Variants in DGKG observed in about 807,000 individuals in gnomAD.
The protein encoded by DGKG is diacylglycerol kinase gamma.
A neutral mutation model predicts 105.3 loss-of-function variants in DGKG; 78 were observed. The observed-to-expected ratio is 0.74, with a 90% CI of 0.62 to 0.89. The LOEUF (loss-of-function observed/expected upper bound fraction) is 0.89, where lower values mean the gene tolerates loss of function less well. DGKG is among the 40% of genes least tolerant of loss of function. The probability of loss-of-function intolerance (pLI) is 0.00; values close to 1 mark genes in which losing one functional copy is unlikely to be tolerated. For missense variants in DGKG, 958 were observed against 1,020.1 expected, an observed-to-expected ratio of 0.94 and a Z score of 0.83; for synonymous variants, 346 against 367.1, an observed-to-expected ratio of 0.94 and a Z score of 0.66.
chr3:186,167,769 TCAC>T (rs1716617241), intron 22 of DGKG, among the ~76,000 whole-genome samples: 1 of 103,702 alleles, frequency 9.6e-6, no homozygotes, highest in Non-Finnish European at 2.1e-5. Flanking sequence ...ATTCACTCAC[TCAC>T]TCACTCACTC....
chr3:186,273,872 G>A (rs1722450123), intron 10 of DGKG, among the ~76,000 whole-genome samples: 2 of 152,224 alleles, frequency 1.3e-5, no homozygotes, highest in Non-Finnish European at 2.9e-5. Context: ...CAGGCTGAGT[G>A]TTGCTGTCCA....
intron 21 of DGKG, among the ~76,000 whole-genome samples, chr3:186,205,435 C>A (rs573667041): frequency 6.6e-6 from 1 of 151,194 alleles, no homozygotes; most frequent in Non-Finnish European, 1.5e-5. Flanking sequence ...AGGCGCCAGG[C>A]GCGGTGGCTC....
At chr3:186,250,391 G>A (rs568842315) in intron 19 of DGKG, among the ~76,000 whole-genome samples, 1 of 152,136 alleles carries the variant, frequency 6.6e-6, no homozygotes, top group African/African-American at 2.4e-5. Flanking sequence ...TTAGTACCTA[G>A]GTGAAGGGAT....
intron 20 of DGKG, among the ~76,000 whole-genome samples, chr3:186,222,097 A>T (rs1719611949): frequency 6.6e-6 from 1 of 152,170 alleles, no homozygotes; most frequent in South Asian, 2.1e-4. Context: ...CTACAGCTAG[A>T]CTGGAACGGG....
chr3:186,299,998 C>A (rs144863614), intron 3 of DGKG, among the ~76,000 whole-genome samples: 60 of 151,934 alleles, frequency 3.9e-4, no homozygotes, highest in African/African-American at 1.4e-3. Context: ...CCACCATGCC[C>A]GGCTATTTTT....
At chr3:186,274,264 C>T (rs1331067416) in intron 10 of DGKG, among the ~76,000 whole-genome samples, 7 of 152,132 alleles carry the variant, frequency 4.6e-5, no homozygotes, top group African/African-American at 1.4e-4. Context: ...CTCAGCTCAC[C>T]GCAACCTCTG....
intron 2 of DGKG, 37 bp downstream of exon 2, chr3:186,320,356 G>C: frequency 6.2e-7 from 1 of 1,613,298 alleles, no homozygotes; most frequent in South Asian, 1.1e-5. Context: ...CAGCCAAGAA[G>C]AAATCCCGTC....
intron 24 of DGKG, among the ~76,000 whole-genome samples, chr3:186,155,379 A>G (rs575979330): frequency 1.1e-4 from 17 of 152,176 alleles, no homozygotes; most frequent in African/African-American, 3.9e-4. Context: ...TTTTCAGTAC[A>G]GACGAGGTTT....
chr3:186,178,674 A>T (rs1413312282), intron 22 of DGKG, among the ~76,000 whole-genome samples: 12 of 152,150 alleles, frequency 7.9e-5, no homozygotes, highest in Admixed American at 7.9e-4. Context: ...GGGAGAGGGG[A>T]GGAGACACAG....
At chr3:186,283,955 C>A (rs1260006414) in intron 7 of DGKG, among the ~76,000 whole-genome samples, 1 of 152,162 alleles carries the variant, frequency 6.6e-6, no homozygotes, top group Non-Finnish European at 1.5e-5. Context: ...CTATCTCTGA[C>A]ATTGACAGTC....
intron 10 of DGKG, among the ~76,000 whole-genome samples, chr3:186,274,330 G>A (rs1249315515): frequency 3.3e-5 from 5 of 152,062 alleles, no homozygotes; most frequent in Admixed American, 2.6e-4. Context: ...TGGGATTACA[G>A]GCGCATGCCA....
At chr3:186,340,133 G>GA (rs903781927) in intron 1 of DGKG, among the ~76,000 whole-genome samples, 32 of 152,204 alleles carry the variant, frequency 2.1e-4, no homozygotes, top group African/African-American at 5.5e-4. Context: ...TAAAATGAGA[G>GA]AAAGTATGAA....
chr3:186,315,462 T>TGGA (rs1310828470), intron 2 of DGKG, among the ~76,000 whole-genome samples: 1 of 152,178 alleles, frequency 6.6e-6, no homozygotes, highest in African/African-American at 2.4e-5. Flanking sequence ...TTACCAACTC[T>TGGA]CAAACAAGTT....
At chr3:186,353,688 C>CTATATCTATATCTATATT (rs1726761760) in intron 1 of DGKG, among the ~76,000 whole-genome samples, 1 of 137,106 alleles carries the variant, frequency 7.3e-6, no homozygotes, top group South Asian at 2.2e-4. Flanking sequence ...ATATCTATAT[C>CTATATCTATATCTATATT]TATATCTATA....
chr3:186,357,773 G>A (rs980766897), intron 1 of DGKG, among the ~76,000 whole-genome samples: 1 of 152,124 alleles, frequency 6.6e-6, no homozygotes, highest in Non-Finnish European at 1.5e-5. Context: ...AAACGAGACA[G>A]ACATAGACAC....
intron 24 of DGKG, chr3:186,160,663 C>A: frequency 1.0e-6 from 1 of 985,392 alleles, no homozygotes. Context: ...CTGAATACTC[C>A]ACTAGAGTGA....
rs1560071633 is a variant in DGKG at position 186,149,881 on chromosome 3, G to C, written c.*209C>G. 7.5e-7 allele frequency: 1 copy of C among 1,334,394 alleles called. No homozygotes were observed. The highest frequency in any genetic ancestry group is 3.0e-5 in the East Asian group (1 of 32,806). 82.7% of individuals were successfully genotyped at this position (1,334,394 alleles called of 1,614,324 possible). ...CCATTCAAAATGTTTTGTTGGCACT[G>C]GCTCTGTTAGGGGTGTACCCACTGT... On this transcript the variant is annotated 3_prime_UTR_variant, in exon 25 of 25. Transcript: ENST00000265022.
At chr3:186,252,946 G>C (rs187808254) in intron 18 of DGKG, 147 bp downstream of exon 18, 1 of 664,216 alleles carries the variant, frequency 1.5e-6, no homozygotes, top group Non-Finnish European at 2.6e-6. Flanking sequence ...GGCAGAGAAA[G>C]GGTCATGGAC....
chr3:186,260,602 GA>G, intron 15 of DGKG, 89 bp from the exon 16 acceptor site: 1 of 970,740 alleles, frequency 1.0e-6, no homozygotes. Flanking sequence ...AACACCTCTG[GA>G]GCCCACTGGT....
Sources: allele counts gnomAD v4.1 joint callset (sites outside exome capture counted in the v4.1 genomes callset), GRCh38; gene constraint gnomAD v4.1.1; transcripts MANE v1.5; gene names NCBI Gene and HGNC (gene_info 2026-07-23, HGNC 2026-07-21).